Variants in ANKRD33B observed in about 807,000 individuals in gnomAD.
ANKRD33B encodes ankyrin repeat domain 33B.
In ANKRD33B, 6 loss-of-function variants were observed where a neutral mutation model predicts 21.5. The ratio of observed to expected loss-of-function variants is 0.28; its 90% CI spans 0.15 to 0.55. The LOEUF is 0.55. ANKRD33B is among the 20% of genes least tolerant of loss of function. The pLI is 0.94. For synonymous variants in ANKRD33B, 347 were observed against 342.4 expected (o/e 1.01, Z -0.15); for missense variants, 698 against 747.2 (o/e 0.93, Z 0.77).
rs753319944 is a variant in ANKRD33B at position 10,635,742 on chromosome 5, C to CT, written c.497-2285dup. On this transcript the variant is annotated intron_variant, in intron 2 of 3. Transcript: ENST00000296657. ...GATTTCATACTGGTGAGGCAGCAGC[C>CT]TGGAGTGGCCCTCAAAGGAGGAAAC... Among the ~76,000 whole-genome samples, 3 of 152,334 alleles carry CT rather than the reference C, an allele frequency of 2.0e-5. No homozygotes were observed. In the South Asian group the frequency reaches 6.2e-4, roughly 32 times the overall value.
At chr5:10,604,588 A>G (rs1736003509) in intron 1 of ANKRD33B, among the ~76,000 whole-genome samples, 1 of 151,882 alleles carries the variant, frequency 6.6e-6, no homozygotes. Context: ...AAGTCCAGAG[A>G]GGAGATTTTC....
chr5:10,592,338 C>T (rs62339273), intron 1 of ANKRD33B, among the ~76,000 whole-genome samples: 84,999 of 151,216 alleles, frequency 0.56, 24,382 homozygotes, highest in East Asian at 0.7. Context: ...TGGCTGGGCG[C>T]GGTGGCGCCC....
At chr5:10,592,345 G>A (rs370014488) in intron 1 of ANKRD33B, among the ~76,000 whole-genome samples, 12 of 151,058 alleles carry the variant, frequency 7.9e-5, no homozygotes, top group East Asian at 3.9e-4. Flanking sequence ...GCGCGGTGGC[G>A]CCCATGCCTG....
intron 1 of ANKRD33B, among the ~76,000 whole-genome samples, chr5:10,595,166 T>A (rs62339277): frequency 0.36 from 54,208 of 151,686 alleles, 11,156 homozygotes; most frequent in East Asian, 0.6. Flanking sequence ...GACCGGAGGG[T>A]TACATCCTGA....
At chr5:10,598,631 A>G (rs902644395) in intron 1 of ANKRD33B, among the ~76,000 whole-genome samples, 1 of 152,136 alleles carries the variant, frequency 6.6e-6, no homozygotes. Context: ...TTAGAGACAG[A>G]GTCTTACTAT....
intron 3 of ANKRD33B, among the ~76,000 whole-genome samples, chr5:10,643,602 G>A (rs111377273): frequency 0.26 from 40,116 of 151,450 alleles, 5,727 homozygotes; most frequent in Middle Eastern, 0.47. Flanking sequence ...GATCACCTGA[G>A]GACAGGAGTT....
intron 3 of ANKRD33B, among the ~76,000 whole-genome samples, chr5:10,645,944 A>G (rs1737178371): frequency 2.0e-5 from 3 of 152,242 alleles, no homozygotes; most frequent in Non-Finnish European, 4.4e-5. Context: ...GAACTGGCGG[A>G]CTGCTACTGG....
intron 3 of ANKRD33B, among the ~76,000 whole-genome samples, chr5:10,644,304 G>A (rs189282134): frequency 6.6e-6 from 1 of 152,300 alleles, no homozygotes; most frequent in African/African-American, 2.4e-5. Flanking sequence ...GCATCACAAG[G>A]GAGTTGCAGA....
In ANKRD33B at chr5:10,640,116, G is replaced by A. The variant is rs867099764; in HGVS notation, c.637+1948G>A. Among the ~76,000 whole-genome samples the A allele has an allele frequency of 5.7e-5, 7 of 122,372 alleles. No individual in the cohort carries two copies. In the East Asian group the frequency reaches 1.3e-3, roughly 22 times the overall value. 80.3% of individuals were successfully genotyped at this position (122,372 alleles called of 152,430 possible). Reference sequence around the variant, plus strand: ...AGCGGGTGACGTGGAGTTGCGCGGTGATGTTAGCGGGTGACGTGGAGTTGT... The same window carrying A: ...AGCGGGTGACGTGGAGTTGCGCGGTAATGTTAGCGGGTGACGTGGAGTTGT... On this transcript the variant is annotated intron_variant, in intron 3 of 3. Transcript: ENST00000296657.
intron 3 of ANKRD33B, among the ~76,000 whole-genome samples, chr5:10,639,065 G>A (rs866223857): frequency 1.4e-5 from 1 of 72,994 alleles, no homozygotes; most frequent in Non-Finnish European, 3.0e-5. Context: ...GCGCGGCGAT[G>A]TTAGCGGGTG....
chr5:10,612,469 C>T (rs539358340), intron 1 of ANKRD33B, among the ~76,000 whole-genome samples: 53 of 152,188 alleles, frequency 3.5e-4, no homozygotes, highest in Non-Finnish European at 6.2e-4. Context: ...ATACCATCAC[C>T]GTGAGGGTTA....
intron 3 of ANKRD33B, among the ~76,000 whole-genome samples, chr5:10,639,027 CG>C (rs1441995653): frequency 2.0e-5 from 1 of 49,504 alleles, no homozygotes; most frequent in Non-Finnish European, 3.9e-5. Context: ...CGGAGTTGCG[CG>C]GCGATGTTAG....
chr5:10,607,834 T>A (rs550940746), intron 1 of ANKRD33B, among the ~76,000 whole-genome samples: 16 of 152,322 alleles, frequency 1.1e-4, no homozygotes, highest in African/African-American at 3.4e-4. Context: ...TGAGTTCATC[T>A]TCTTATTTAA....
intron 1 of ANKRD33B, among the ~76,000 whole-genome samples, chr5:10,608,301 T>C (rs1021900502): frequency 2.1e-5 from 3 of 145,026 alleles, no homozygotes; most frequent in African/African-American, 7.8e-5. Flanking sequence ...GACATTGCAG[T>C]GAGCCAAGAT....
intron 1 of ANKRD33B, among the ~76,000 whole-genome samples, chr5:10,589,324 T>C (rs553213292): frequency 9.2e-5 from 14 of 152,310 alleles, no homozygotes; most frequent in South Asian, 4.1e-4. Context: ...CTTCCAGACC[T>C]GTGAGTAGTA....
At chr5:10,565,186 G>A (rs1292415856) in intron 1 of ANKRD33B, among the ~76,000 whole-genome samples, 7 of 152,198 alleles carry the variant, frequency 4.6e-5, no homozygotes, top group Admixed American at 2.0e-4. Flanking sequence ...TTGCGGCCCG[G>A]TCCCCTCCTG....
chr5:10,591,679 C>G (rs552098942), intron 1 of ANKRD33B, among the ~76,000 whole-genome samples: 91 of 152,092 alleles, frequency 6.0e-4, no homozygotes, highest in African/African-American at 2.1e-3. Flanking sequence ...CATTATTTTG[C>G]TTACTAGTAA....
intron 2 of ANKRD33B, chr5:10,627,535 TG>T (rs1736584079): frequency 6.6e-6 from 1 of 152,138 alleles, no homozygotes; most frequent in African/African-American, 2.4e-5. Context: ...GGGGCAGCTG[TG>T]GGTTTGGGCT....
At position 10,588,106 on chromosome 5, in the gene ANKRD33B, A is replaced by T. The variant is rs548321178; in HGVS notation, c.366+23273A>T. 7.3e-4 allele frequency among the ~76,000 whole-genome samples: 111 copies of T among 152,344 alleles called. 1 individual carries two copies. The highest frequency in any genetic ancestry group is 3.4e-3 in the Middle Eastern group (1 of 294). ...TTGAAACGGCTTTGCTGATCTTCAA[A>T]ATATTAAGTCATGCATACTTATTGT... On this transcript the variant is annotated intron_variant, in intron 1 of 3. Transcript: ENST00000296657.
Sources: allele counts gnomAD v4.1 joint callset (sites outside exome capture counted in the v4.1 genomes callset), GRCh38; gene constraint gnomAD v4.1.1; transcripts MANE v1.5; gene names NCBI Gene and HGNC (gene_info 2026-07-23, HGNC 2026-07-21).